Variants in BTBD10 observed in about 807,000 individuals in gnomAD.
BTBD10 encodes the protein BTB/POZ domain-containing protein 10.
A neutral mutation model predicts 53.2 loss-of-function variants in BTBD10; 21 were observed. The ratio of observed to expected loss-of-function variants is 0.39; its 90% CI spans 0.28 to 0.57. The LOEUF (loss-of-function observed/expected upper bound fraction) is 0.57. BTBD10 is among the 20% of genes least tolerant of loss of function. The pLI is 0.53. For synonymous variants in BTBD10, 149 were observed against 192.7 expected, an observed-to-expected ratio of 0.77 and a Z score of 1.88; for missense variants, 360 against 594.7, an observed-to-expected ratio of 0.61 and a Z score of 4.10.
intron 1 of BTBD10, among the ~76,000 whole-genome samples, chr11:13,454,048 T>C (rs74543117): frequency 0.11 from 16,217 of 151,924 alleles, 959 homozygotes; most frequent in Middle Eastern, 0.15. Context: ...CAAGACTCCA[T>C]CTCAAAAACA....
In BTBD10 at chr11:13,457,489, G is replaced by A. The variant is rs117062705; in HGVS notation, c.-58+5603C>T. On this transcript the variant is annotated intron_variant, in intron 1 of 8. Coordinates refer to ENST00000278174, the MANE Select transcript of BTBD10 (RefSeq NM_032320.7). ...AACAGCAACAGCAAAAAACAGGTAG[G>A]TACAGAACAAGCAGTATTCATTGTA... 5.0e-3 allele frequency among the ~76,000 whole-genome samples: 763 copies of A among 152,212 alleles called. 4 individuals are homozygous for A. Among genetic ancestry groups the A allele is most frequent in the Non-Finnish European group, 7.4e-3 (500 of 68,006 alleles).
chr11:13,461,058 C>T (rs574680442), intron 1 of BTBD10, among the ~76,000 whole-genome samples: 13 of 152,262 alleles, frequency 8.5e-5, no homozygotes, highest in Non-Finnish European at 4.4e-5. Flanking sequence ...TACTTAAAGG[C>T]TATTAAACTT....
chr11:13,422,366 A>G (rs1358578143), intron 2 of BTBD10, among the ~76,000 whole-genome samples: 1 of 152,130 alleles, frequency 6.6e-6, no homozygotes, highest in African/African-American at 2.4e-5. Context: ...AGCATTTCTT[A>G]GCCAGGCACA....
intron 5 of BTBD10, among the ~76,000 whole-genome samples, chr11:13,414,844 GAAAAA>G (rs71041526): frequency 1.9e-4 from 16 of 85,110 alleles, no homozygotes; most frequent in Non-Finnish European, 2.8e-4. Context: ...CATCTCAAAC[GAAAAA>G]AAAAAAAAAA....
intron 2 of BTBD10, among the ~76,000 whole-genome samples, chr11:13,428,255 T>C (rs527515422): frequency 1.6e-4 from 24 of 152,232 alleles, no homozygotes; most frequent in African/African-American, 4.1e-4. Context: ...TAAGAAAAGG[T>C]TGAATAGCTC....
At chr11:13,398,721 C>T (rs1371728366) in intron 8 of BTBD10, among the ~76,000 whole-genome samples, 1 of 152,132 alleles carries the variant, frequency 6.6e-6, no homozygotes, top group Admixed American at 6.5e-5. Context: ...TTCAGGAGCT[C>T]TTGTAGGGCA....
intron 1 of BTBD10, among the ~76,000 whole-genome samples, chr11:13,462,311 C>T (rs1009290015): frequency 2.0e-5 from 3 of 152,306 alleles, no homozygotes; most frequent in African/African-American, 7.2e-5. Context: ...CATGAAAACT[C>T]TGCAAGATAA....
chr11:13,432,731 TAGC>T (rs1201960985), intron 2 of BTBD10, among the ~76,000 whole-genome samples: 1 of 151,850 alleles, frequency 6.6e-6, no homozygotes, highest in Non-Finnish European at 1.5e-5. Flanking sequence ...TGCAAAATAA[TAGC>T]AGAAATTTTT....
In BTBD10 at chr11:13,428,869, T is replaced by C. The variant is rs1387139333; in HGVS notation, c.102-7031A>G. ...TTGCAGAAAACATGATCATCTATTG[T>C]AGGCTCTAGTAAGAAAAAAAGGTTA... On this transcript the variant is annotated intron_variant, in intron 2 of 8. Coordinates refer to ENST00000278174, the MANE Select transcript of BTBD10 (RefSeq NM_032320.7). Among the ~76,000 whole-genome samples, 6 of 152,168 alleles carry C rather than the reference T, an allele frequency of 3.9e-5. No individual in the cohort carries two copies. In the East Asian group the frequency reaches 9.6e-4, roughly 24 times the overall value.
At chr11:13,398,590 G>T (rs2135750874) in intron 8 of BTBD10, among the ~76,000 whole-genome samples, 1 of 152,308 alleles carries the variant, frequency 6.6e-6, no homozygotes, top group South Asian at 2.1e-4. Flanking sequence ...TCATTATGAT[G>T]TTAGCTGGTT....
chr11:13,399,940 G>C (rs1186642535), intron 8 of BTBD10, among the ~76,000 whole-genome samples: 1 of 152,162 alleles, frequency 6.6e-6, no homozygotes, highest in Non-Finnish European at 1.5e-5. Context: ...GGCCGTGTGA[G>C]GTGTCAGTCC....
At chr11:13,391,056 T>C (rs1053403920) in intron 8 of BTBD10, among the ~76,000 whole-genome samples, 1 of 152,300 alleles carries the variant, frequency 6.6e-6, no homozygotes, top group Non-Finnish European at 1.5e-5. Flanking sequence ...CCACACAAAA[T>C]AACCACTCCA....
intron 8 of BTBD10, among the ~76,000 whole-genome samples, chr11:13,395,947 T>C (rs1263589267): frequency 6.8e-6 from 1 of 147,334 alleles, no homozygotes; most frequent in Non-Finnish European, 1.5e-5. Context: ...TGCAGCCTTG[T>C]AGTATAGTTT....
rs72242186 is a variant in BTBD10, at chr11:13,406,560, T to TGAGAGA, written c.809-710_809-705dup. Among the ~76,000 whole-genome samples the TGAGAGA allele has an allele frequency of 4.3e-4, 61 of 141,452 alleles. 1 individual carries two copies. The highest frequency in any genetic ancestry group is 1.5e-3 in the African/African-American group (58 of 38,132). 92.8% of individuals were successfully genotyped at this position (141,452 alleles called of 152,430 possible). ...CAACCATGGCAACCATACGCATGAG[T>TGAGAGA]GAGAGAGAGAGAGAGAGAGAGAGAG... On this transcript the variant is annotated intron_variant, in intron 6 of 8. Coordinates refer to ENST00000278174, the MANE Select transcript of BTBD10 (RefSeq NM_032320.7).
chr11:13,459,458 C>A (rs1045475594), intron 1 of BTBD10, among the ~76,000 whole-genome samples: 16 of 152,184 alleles, frequency 1.1e-4, no homozygotes, highest in African/African-American at 3.9e-4. Context: ...TTGGCTTGAA[C>A]CCTGATGAAG....
intron 2 of BTBD10, chr11:13,440,185 C>T: frequency 1.4e-6 from 2 of 1,440,924 alleles, no homozygotes; most frequent in South Asian, 2.6e-5. Flanking sequence ...AGAGATACAA[C>T]CCCCTCTACA....
intron 1 of BTBD10, among the ~76,000 whole-genome samples, chr11:13,460,465 T>C (rs1310604884): frequency 2.6e-5 from 4 of 152,184 alleles, no homozygotes; most frequent in Non-Finnish European, 4.4e-5. Context: ...TGAATCAGAT[T>C]ATGTGATTAA....
rs531220841 is a variant in BTBD10 at position 13,400,730 on chromosome 11, C to G, written c.1117+2438G>C. ...TTCTTTAAAGCCGTGAGAAAACGGA[C>G]TAATACACGGACTAAGCCTTTAATC... On this transcript the variant is annotated intron_variant, in intron 8 of 8. Coordinates refer to ENST00000278174, the MANE Select transcript of BTBD10 (RefSeq NM_032320.7). Among the ~76,000 whole-genome samples the G allele has an allele frequency of 2.0e-5, 3 of 152,280 alleles. No homozygotes were observed. In the East Asian group the frequency reaches 5.8e-4, roughly 29 times the overall value.
chr11:13,424,520 G>T (rs1452778425), intron 2 of BTBD10, among the ~76,000 whole-genome samples: 3 of 152,174 alleles, frequency 2.0e-5, no homozygotes, highest in Non-Finnish European at 4.4e-5. Context: ...AATACTTTCA[G>T]ATTAAGAAAT....
Sources: gnomAD v4.1 joint callset for allele counts (sites outside exome capture counted in the v4.1 genomes callset) on GRCh38, gnomAD v4.1.1 for gene constraint, MANE v1.5 for transcripts, NCBI Gene and HGNC (gene_info 2026-07-23, HGNC 2026-07-21) for gene names.